The following KIFAP3 variants were observed in gnomAD, a reference collection of about 807,000 sequenced individuals.
KIFAP3 encodes kinesin-associated protein 3.
In KIFAP3, 68 loss-of-function variants were observed where a neutral mutation model predicts 106.5. That is an observed-to-expected ratio of 0.64 (90% CI 0.53 to 0.78). The LOEUF is 0.78. Among genes scored for constraint, KIFAP3 ranks in the 30% least tolerant of loss-of-function variants. KIFAP3 has a pLI of 0.00. For missense variants in KIFAP3, 780 were observed against 941.8 expected, an observed-to-expected ratio of 0.83 and a Z score of 2.25; for synonymous variants, 320 against 311.5, an observed-to-expected ratio of 1.03 and a Z score of -0.29.
intron 4 of KIFAP3, 58 bp from the exon 5 acceptor site, chr1:170,038,489 G>T (rs1232564148): frequency 2.2e-5 from 33 of 1,528,392 alleles, no homozygotes; most frequent in Non-Finnish European, 2.8e-5. Context: ...CACTGTCAAA[G>T]AAATGTTATT....
Position 169,976,685 on chromosome 1 carries a change from GA to G in KIFAP3, c.1897+1399del, listed in dbSNP as rs1666233902. ...CTCAAATTAGACTTGTTATTTACCA[GA>G]CTTGACTCCTGGAAACTCTATATGG... is the stretch of plus-strand genomic sequence containing the variant. On this transcript the variant is annotated intron_variant, in intron 16 of 19. Coordinates refer to ENST00000361580, the MANE Select transcript of KIFAP3 (RefSeq NM_014970.4). 3.9e-5 allele frequency among the ~76,000 whole-genome samples: 6 copies of G among 152,022 alleles called. No homozygotes were observed. The South Asian group carries it at 8.3e-4, about 21-fold the overall frequency.
chr1:170,048,690 A>G (rs1023201060), intron 2 of KIFAP3, among the ~76,000 whole-genome samples: 2 of 151,420 alleles, frequency 1.3e-5, no homozygotes, highest in African/African-American at 4.9e-5. Flanking sequence ...ATGGAGAGCA[A>G]GCAGAAGCGG....
chr1:169,981,165 T>G (rs1426730661), intron 15 of KIFAP3, among the ~76,000 whole-genome samples: 1 of 152,182 alleles, frequency 6.6e-6, no homozygotes, highest in Non-Finnish European at 1.5e-5. Context: ...TGGTCCTCCC[T>G]TATCTGTGGT....
chr1:169,949,729 G>A (rs182554798), intron 19 of KIFAP3, among the ~76,000 whole-genome samples: 13 of 152,096 alleles, frequency 8.5e-5, no homozygotes, highest in African/African-American at 2.9e-4. Flanking sequence ...ATTTTGGGAG[G>A]GGAAGATTTA....
At chr1:170,067,195 T>G (rs751977346) in intron 1 of KIFAP3, among the ~76,000 whole-genome samples, 1 of 152,028 alleles carries the variant, frequency 6.6e-6, no homozygotes. Flanking sequence ...AAAAGTATAA[T>G]TCAGCAATGC....
chr1:169,997,369 C>G (rs1177208062), intron 10 of KIFAP3, among the ~76,000 whole-genome samples: 1 of 151,898 alleles, frequency 6.6e-6, no homozygotes, highest in Non-Finnish European at 1.5e-5. Flanking sequence ...AACATTTTTT[C>G]TGTTTTACTA....
intron 11 of KIFAP3, among the ~76,000 whole-genome samples, chr1:169,985,478 G>A (rs1009997633): frequency 1.3e-5 from 2 of 151,902 alleles, no homozygotes; most frequent in African/African-American, 4.8e-5. Flanking sequence ...TTTATGCACT[G>A]AGAAATGACA....
intron 19 of KIFAP3, 123 bp from the exon 20 acceptor site, chr1:169,921,904 G>A: frequency 1.6e-6 from 1 of 628,686 alleles, no homozygotes; most frequent in Middle Eastern, 2.6e-4. Context: ...GATTTAGGTG[G>A]ATATCATTAA....
intron 3 of KIFAP3, chr1:170,041,908 G>A (rs1268264781): frequency 7.5e-7 from 1 of 1,330,276 alleles, no homozygotes; most frequent in Non-Finnish European, 9.7e-7. Context: ...AACATTTGGG[G>A]GAAGTACTCC....
At chr1:169,992,071 A>G in intron 11 of KIFAP3, 84 bp downstream of exon 11, 1 of 581,754 alleles carries the variant, frequency 1.7e-6, no homozygotes, top group Non-Finnish European at 2.7e-6. Context: ...TTTTTTAGAG[A>G]GAAAATCTTG....
chr1:170,048,849 T>C (rs1042788668), intron 2 of KIFAP3, among the ~76,000 whole-genome samples: 5 of 152,142 alleles, frequency 3.3e-5, no homozygotes, highest in African/African-American at 9.7e-5. Context: ...AGGAGAATCC[T>C]TGGTGAGCCT....
chr1:170,017,560 T>A (rs1468212470), intron 9 of KIFAP3, among the ~76,000 whole-genome samples: 1 of 152,302 alleles, frequency 6.6e-6, no homozygotes, highest in Non-Finnish European at 1.5e-5. Context: ...ATAAAGTACA[T>A]GTTGAAGACT....
chr1:169,997,339 C>A (rs886360214), intron 10 of KIFAP3, among the ~76,000 whole-genome samples: 1 of 152,084 alleles, frequency 6.6e-6, no homozygotes. Flanking sequence ...AATATCATTT[C>A]TTATTATTAT....
upstream of KIFAP3, chr1:170,074,744 G>A: frequency 2.3e-6 from 3 of 1,327,174 alleles, no homozygotes; most frequent in Non-Finnish European, 9.7e-7. Context: ...TCTTGTATGC[G>A]CAGGCTCAGT....
rs749637286 is a variant in KIFAP3, at chr1:169,954,011, C to T, written c.2273G>A (p.Ser758Asn). The change falls in exon 19 of 20, where the codon AGC (serine) becomes AAC (asparagine). Residue 758 changes from serine to asparagine, a missense_variant and splice_region_variant. Ser to Asn is a conservative substitution (Grantham distance 46, BLOSUM62 1). Around this residue, in one of 3 missense-constraint regions of KIFAP3, gnomAD observed 114 missense variants for 122.3 expected, o/e 0.93. Transcript: ENST00000361580. ...DVVGQHSFPG[S>N]LGMDGFGQPV... ...AGATTTTTCTTGGAAAACTGTTTAC[C>T]TGCCAGGAAATGAATGCTGCCCAAC... 1.2e-6 allele frequency: 2 copies of T among 1,608,036 alleles called. No individual in the cohort carries two copies. Among genetic ancestry groups the T allele is most frequent in the Non-Finnish European group, 1.7e-6 (2 of 1,174,616 alleles).
At chr1:169,954,649 CA>C (rs1664911302) in intron 18 of KIFAP3, among the ~76,000 whole-genome samples, 1 of 152,116 alleles carries the variant, frequency 6.6e-6, no homozygotes, top group Non-Finnish European at 1.5e-5. Flanking sequence ...GACATTAAAA[CA>C]CACACACAAA....
intron 10 of KIFAP3, among the ~76,000 whole-genome samples, chr1:170,013,809 C>T (rs1042147840): frequency 6.6e-6 from 1 of 152,026 alleles, no homozygotes; most frequent in Non-Finnish European, 1.5e-5. Context: ...TTAGGCATGG[C>T]GATGTGATTT....
intron 1 of KIFAP3, among the ~76,000 whole-genome samples, chr1:170,081,102 A>G (rs1202092534): frequency 2.0e-5 from 3 of 152,186 alleles, no homozygotes; most frequent in African/African-American, 7.2e-5. Context: ...CACCATTAAG[A>G]AATGAAATGG....
At chr1:169,962,072 C>G (rs934340326) in intron 17 of KIFAP3, among the ~76,000 whole-genome samples, 4 of 152,092 alleles carry the variant, frequency 2.6e-5, no homozygotes, top group African/African-American at 9.7e-5. Flanking sequence ...CTAGATAACA[C>G]TGGGGGAAGT....
Sources: allele counts gnomAD v4.1 joint callset (sites outside exome capture counted in the v4.1 genomes callset), GRCh38; gene constraint gnomAD v4.1.1; regional missense constraint gnomAD v4.1.1; transcripts MANE v1.5; gene names NCBI Gene and HGNC (gene_info 2026-07-23, HGNC 2026-07-21).